Variants in NAV2 observed in about 807,000 individuals in gnomAD.
NAV2 encodes the protein helicase, APC down-regulated 1.
A neutral mutation model predicts 223.2 loss-of-function variants in NAV2; 54 were observed. The ratio of observed to expected loss-of-function variants is 0.24; its 90% confidence interval spans 0.19 to 0.30. NAV2 has a LOEUF of 0.30. Among genes scored for constraint, NAV2 ranks in the 10% least tolerant of loss-of-function variants. NAV2 has a pLI of 1.00. For synonymous variants in NAV2, 1,279 were observed against 1,239.3 expected (o/e 1.03, Z -0.67); for missense variants, 2,806 against 3,147.5 (o/e 0.89, Z 2.60).
At chr11:19,589,762 T>C (rs538700964) in intron 1 of NAV2, among the ~76,000 whole-genome samples, 1 of 152,282 alleles carries the variant, frequency 6.6e-6, no homozygotes, top group East Asian at 1.9e-4. Flanking sequence ...CTTCAGCTGC[T>C]CCCAGCGTGG....
chr11:19,623,712 A>G (rs1278785205), intron 1 of NAV2, among the ~76,000 whole-genome samples: 2 of 152,172 alleles, frequency 1.3e-5, no homozygotes, highest in South Asian at 2.1e-4. Flanking sequence ...GGGTTCGAAC[A>G]TCCTCCTTTA....
chr11:19,760,333 A>G (rs1031450847), intron 1 of NAV2, among the ~76,000 whole-genome samples: 2 of 152,202 alleles, frequency 1.3e-5, no homozygotes, highest in African/African-American at 4.8e-5. Context: ...GTAGGTTTAT[A>G]AGATGACAAT....
rs185981613 is a variant in NAV2 at position 19,584,005 on chromosome 11, C to T, written c.75+232978C>T. Among the ~76,000 whole-genome samples the T allele has an allele frequency of 3.1e-3, 476 of 152,240 alleles. 3 individuals are homozygous for T. The highest frequency in any genetic ancestry group is 0.011 in the African/African-American group (455 of 41,544). On this transcript the variant is annotated intron_variant, in intron 1 of 37. Transcript: ENST00000360655. The stretch of plus-strand genomic sequence containing the variant: ...GAATTCGGCTGTGAATCCGTCTGGT[C>T]CTGGACTTTTTTTTGGTTGGTAAGC...
intron 1 of NAV2, among the ~76,000 whole-genome samples, chr11:19,560,462 G>A (rs919210794): frequency 2.6e-5 from 4 of 152,132 alleles, no homozygotes; most frequent in Non-Finnish European, 4.4e-5. Context: ...CAGTGTCTTC[G>A]CCTTTATAAC....
At chr11:19,612,825 C>T (rs1247444347) in intron 1 of NAV2, among the ~76,000 whole-genome samples, 5 of 152,218 alleles carry the variant, frequency 3.3e-5, no homozygotes, top group Non-Finnish European at 4.4e-5. Context: ...GTTCCAAAGT[C>T]GCTTCCACCT....
Position 19,371,284 on chromosome 11 carries a change from A to G in NAV2, c.75+20257A>G, listed in dbSNP as rs552842373. Among the ~76,000 whole-genome samples the G allele has an allele frequency of 6.6e-5, 10 of 152,142 alleles. No homozygotes were observed. In the East Asian group the frequency reaches 1.3e-3, roughly 20 times the overall value. On this transcript the variant is annotated intron_variant, in intron 1 of 37. Coordinates refer to the NAV2 transcript ENST00000360655. ...CACGGGGCAATGCCGTTTGGAGAGA[A>G]TAAGTGTGGAGGAGCCAGCACTCAA...
At chr11:20,000,880 C>G (rs1230472498) in intron 11 of NAV2, among the ~76,000 whole-genome samples, 3 of 152,202 alleles carry the variant, frequency 2.0e-5, no homozygotes, top group East Asian at 3.9e-4. Flanking sequence ...TCTCTCTGCT[C>G]TCACTGCTAC....
chr11:19,543,781 C>G (rs1018191809), intron 1 of NAV2, among the ~76,000 whole-genome samples: 3 of 152,196 alleles, frequency 2.0e-5, no homozygotes, highest in African/African-American at 7.2e-5. Context: ...TCTCACTTGG[C>G]TAACTCTGAG....
At chr11:19,425,572 T>C (rs143046816) in intron 1 of NAV2, among the ~76,000 whole-genome samples, 1 of 152,344 alleles carries the variant, frequency 6.6e-6, no homozygotes, top group Non-Finnish European at 1.5e-5. Flanking sequence ...CCATATTCTC[T>C]GTTTATTTTA....
intron 3 of NAV2, among the ~76,000 whole-genome samples, chr11:19,861,030 C>G (rs116748834): frequency 0.3 from 34,709 of 116,536 alleles, 4,345 homozygotes; most frequent in Middle Eastern, 0.38. Flanking sequence ...GGAAAGAGGG[C>G]AGAGGGAGAG....
At chr11:19,871,660 G>T (rs949726797) in intron 4 of NAV2, among the ~76,000 whole-genome samples, 1 of 152,120 alleles carries the variant, frequency 6.6e-6, no homozygotes, top group African/African-American at 2.4e-5. Context: ...GAACGTGTGG[G>T]CTCCATTTTC....
chr11:19,852,203 C>T (rs1257069145), intron 3 of NAV2, among the ~76,000 whole-genome samples: 1 of 152,206 alleles, frequency 6.6e-6, no homozygotes, highest in Non-Finnish European at 1.5e-5. Context: ...TAATTTGTTG[C>T]AGCAGCAATA....
chr11:19,913,256 G>A (rs949703659), intron 6 of NAV2, among the ~76,000 whole-genome samples: 21 of 152,180 alleles, frequency 1.4e-4, no homozygotes, highest in African/African-American at 5.1e-4. Context: ...TGTGTTTGCA[G>A]CTTTATTAAG....
chr11:19,782,692 C>G (rs551607324), intron 1 of NAV2, among the ~76,000 whole-genome samples: 18 of 151,658 alleles, frequency 1.2e-4, no homozygotes, highest in African/African-American at 3.9e-4. Flanking sequence ...AGGTGCTGTT[C>G]CCAAGGGTTG....
intron 1 of NAV2, among the ~76,000 whole-genome samples, chr11:19,759,181 C>T (rs2054515680): frequency 6.7e-6 from 1 of 149,950 alleles, no homozygotes; most frequent in Admixed American, 6.7e-5. Context: ...CTCCCGGGTC[C>T]ACGCCATTCT....
intron 1 of NAV2, among the ~76,000 whole-genome samples, chr11:19,621,713 G>T (rs527683597): frequency 2.4e-4 from 36 of 152,040 alleles, no homozygotes; most frequent in African/African-American, 8.0e-4. Flanking sequence ...TCAGCTCCTG[G>T]ATTCATTGAT....
chr11:19,673,370 A>G (rs2135821239), intron 1 of NAV2, among the ~76,000 whole-genome samples: 1 of 152,356 alleles, frequency 6.6e-6, no homozygotes, highest in East Asian at 1.9e-4. Context: ...AAATCCTATT[A>G]TTATCATCAT....
At chr11:19,537,943 G>C (rs1206866853) in intron 1 of NAV2, among the ~76,000 whole-genome samples, 1 of 152,214 alleles carries the variant, frequency 6.6e-6, no homozygotes, top group Non-Finnish European at 1.5e-5. Context: ...GATGCATTTT[G>C]CAGGGAAAGC....
intron 3 of NAV2, among the ~76,000 whole-genome samples, chr11:19,851,998 G>T (rs1215397273): frequency 6.6e-6 from 1 of 152,202 alleles, no homozygotes; most frequent in Non-Finnish European, 1.5e-5. Flanking sequence ...GGAAGAAGGG[G>T]CCATGAGCCA....
Sources: allele counts gnomAD v4.1 joint callset (sites outside exome capture counted in the v4.1 genomes callset), GRCh38; gene constraint gnomAD v4.1.1; transcripts MANE v1.5; gene names NCBI Gene and HGNC (gene_info 2026-07-23, HGNC 2026-07-21).